Variants in PDS5A observed in about 807,000 individuals in gnomAD.
PDS5A encodes the protein sister chromatid cohesion protein PDS5 homolog A.
In PDS5A, 42 loss-of-function variants were observed where a neutral mutation model predicts 167.1. The observed-to-expected ratio is 0.25, with a 90% CI of 0.20 to 0.33. The LOEUF (loss-of-function observed/expected upper bound fraction) is 0.33, where lower values mean the gene tolerates loss of function less well. Ranked by LOEUF, PDS5A falls within the 10% of genes least tolerant of loss-of-function variation. PDS5A has a pLI of 1.00. For synonymous variants in PDS5A, 553 were observed against 554.6 expected (o/e 1.00, Z 0.04); for missense variants, 1,033 against 1,605.9 (o/e 0.64, Z 6.10).
intron 2 of PDS5A, among the ~76,000 whole-genome samples, chr4:39,935,200 C>T (rs564468241): frequency 3.9e-5 from 6 of 152,208 alleles, no homozygotes; most frequent in East Asian, 3.9e-4. Context: ...GGCACAATCT[C>T]GGCTCAATGC....
chr4:39,913,530 T>A (rs1724079983), intron 9 of PDS5A, 81 bp downstream of exon 9: 2 of 711,430 alleles, frequency 2.8e-6, no homozygotes, highest in Non-Finnish European at 5.1e-6. Flanking sequence ...AAAGTTTTGA[T>A]ATGTATAGTT....
At chr4:39,865,804 T>A (rs1021905122) in intron 23 of PDS5A, among the ~76,000 whole-genome samples, 1 of 152,182 alleles carries the variant, frequency 6.6e-6, no homozygotes, top group Non-Finnish European at 1.5e-5. Context: ...CTCAGCCTCA[T>A]AAAGAATGAT....
intron 26 of PDS5A, among the ~76,000 whole-genome samples, chr4:39,860,202 G>A (rs954782875): frequency 2.0e-5 from 3 of 152,148 alleles, no homozygotes; most frequent in African/African-American, 2.4e-5. Flanking sequence ...AGTGGCTCAT[G>A]CCTGCAATCC....
At chr4:39,904,524 G>C (rs1723148628) in intron 11 of PDS5A, among the ~76,000 whole-genome samples, 2 of 152,198 alleles carry the variant, frequency 1.3e-5, no homozygotes, top group South Asian at 4.1e-4. Flanking sequence ...AGTAGAGACG[G>C]GGTTTCACCC....
Position 39,913,736 on chromosome 4 carries a change from G to A in PDS5A, c.877-10C>T. ...CTTCTCCATCATTGCTCTAAGAAGG[G>A]AAAACAGAAAGTGAAGCCTAAGCTT... On this transcript the variant is annotated splice_polypyrimidine_tract_variant and intron_variant, in intron 8 of 32. Coordinates refer to ENST00000303538, the MANE Select transcript of PDS5A (RefSeq NM_001100399.2). The A allele has an allele frequency of 7.1e-7, 1 of 1,407,932 alleles. No homozygotes were observed. Among genetic ancestry groups the A allele is most frequent in the African/African-American group, 1.4e-5 (1 of 70,984 alleles). 87.2% of individuals were successfully genotyped at this position (1,407,932 alleles called of 1,614,324 possible).
intron 21 of PDS5A, among the ~76,000 whole-genome samples, chr4:39,871,015 T>A (rs1719982669): frequency 1.3e-5 from 2 of 152,122 alleles, no homozygotes; most frequent in African/African-American, 2.4e-5. Context: ...TGATACATAC[T>A]ACAACATGGA....
chr4:39,962,712 G>A (rs1465269852), intron 2 of PDS5A, among the ~76,000 whole-genome samples: 1 of 152,046 alleles, frequency 6.6e-6, no homozygotes, highest in Non-Finnish European at 1.5e-5. Flanking sequence ...GCTGAGGCAC[G>A]AGAATCGCTT....
At chr4:39,842,937 A>ATATATATATATATATATATATATT (rs1433177642) in intron 30 of PDS5A, among the ~76,000 whole-genome samples, 1 of 139,732 alleles carries the variant, frequency 7.2e-6, no homozygotes, top group Non-Finnish European at 1.5e-5. Context: ...ATATATATAT[A>ATATATATATATATATATATATATT]TTTTAAGAGA....
intron 2 of PDS5A, among the ~76,000 whole-genome samples, chr4:39,958,877 G>A (rs891643332): frequency 6.6e-6 from 1 of 152,062 alleles, no homozygotes; most frequent in Non-Finnish European, 1.5e-5. Context: ...CTAAAGTGCC[G>A]GTATTATAGG....
At chr4:39,852,692 T>C (rs1464572257) in intron 26 of PDS5A, among the ~76,000 whole-genome samples, 1 of 152,178 alleles carries the variant, frequency 6.6e-6, no homozygotes, top group African/African-American at 2.4e-5. Context: ...CAGGTTTATG[T>C]AAAATTACTC....
At chr4:39,958,315 T>G (rs939698856) in intron 2 of PDS5A, among the ~76,000 whole-genome samples, 16 of 152,032 alleles carry the variant, frequency 1.1e-4, no homozygotes, top group African/African-American at 3.9e-4. Flanking sequence ...AAGGTCAGCC[T>G]GGCCAACATG....
At chr4:39,881,554 T>A (rs948573039) in intron 17 of PDS5A, among the ~76,000 whole-genome samples, 2 of 152,078 alleles carry the variant, frequency 1.3e-5, no homozygotes, top group Non-Finnish European at 2.9e-5. Context: ...TAACTTAAAG[T>A]ATAATATACC....
At chr4:39,853,867 G>A (rs753735872) in intron 26 of PDS5A, among the ~76,000 whole-genome samples, 2 of 152,218 alleles carry the variant, frequency 1.3e-5, no homozygotes, top group African/African-American at 4.8e-5. Flanking sequence ...CCCTGCCAAG[G>A]TTATCAGTGA....
intron 2 of PDS5A, among the ~76,000 whole-genome samples, chr4:39,929,537 ATATATATAT>A (rs1725792986): frequency 1.4e-5 from 1 of 71,700 alleles, no homozygotes. Context: ...ATATATATAT[ATATATATAT>A]ATATATATAT....
intron 22 of PDS5A, among the ~76,000 whole-genome samples, chr4:39,867,779 A>ACC (rs1719680267): frequency 7.3e-6 from 1 of 136,590 alleles, no homozygotes; most frequent in African/African-American, 2.9e-5. Context: ...CACACACCCC[A>ACC]CAACTGTACT....
rs1391453193 is a variant in PDS5A at position 39,874,382 on chromosome 4, T to A, written c.2184A>T (p.Ala728=). 5 of 1,613,094 alleles carry A rather than the reference T, an allele frequency of 3.1e-6. No homozygotes were observed. In the South Asian group the frequency reaches 5.5e-5, roughly 18 times the overall value. ...STLIPILHQK[A]KRGTPHQAKQ... Reference sequence around the variant, plus strand: ...TTGCTTGGTGTGGAGTACCCCTCTTTGCTTTTTGATGTAAAATGGGAATTA... The same window carrying A: ...TTGCTTGGTGTGGAGTACCCCTCTTAGCTTTTTGATGTAAAATGGGAATTA... The change falls in exon 20 of 33, where the codon GCA becomes GCT. Residue 728 remains alanine, a synonymous_variant. Transcript: ENST00000303538.
intron 30 of PDS5A, among the ~76,000 whole-genome samples, chr4:39,843,197 G>A (rs1384977615): frequency 6.6e-6 from 1 of 151,036 alleles, no homozygotes; most frequent in Admixed American, 6.6e-5. Flanking sequence ...TAAGAGACAG[G>A]GTCTTGCTTT....
intron 32 of PDS5A, 97 bp from the exon 33 acceptor site, chr4:39,825,585 T>C: frequency 5.6e-6 from 1 of 177,492 alleles, no homozygotes; most frequent in Non-Finnish European, 1.1e-5. Context: ...ATCTAAAATC[T>C]TTTTTTTTTT....
At chr4:39,913,779 A>G in intron 8 of PDS5A, 53 bp from the exon 9 acceptor site, 1 of 930,488 alleles carries the variant, frequency 1.1e-6, no homozygotes, top group Non-Finnish European at 1.8e-6. Context: ...CAGATTACAG[A>G]AAATATCTTG....
Sources: allele counts gnomAD v4.1 joint callset (sites outside exome capture counted in the v4.1 genomes callset), GRCh38; gene constraint gnomAD v4.1.1; transcripts MANE v1.5; gene names NCBI Gene and HGNC (gene_info 2026-07-23, HGNC 2026-07-21).